The following PCCA variants were observed in gnomAD, a reference collection of about 807,000 sequenced individuals.
PCCA encodes propionyl-CoA carboxylase alpha chain, mitochondrial.
Under a neutral mutation model 101.3 loss-of-function variants are expected in PCCA, and 74 were observed. The observed-to-expected ratio is 0.73, with a 90% CI of 0.61 to 0.89. The LOEUF (loss-of-function observed/expected upper bound fraction) is 0.89. PCCA is among the 40% of genes least tolerant of loss of function. The probability of loss-of-function intolerance (pLI) is 0.00; values close to 1 mark genes in which losing one functional copy is unlikely to be tolerated. For missense variants in PCCA, 891 were observed against 907.0 expected (o/e 0.98, Z 0.23); for synonymous variants, 294 against 313.6 (o/e 0.94, Z 0.66).
chr13:100,322,474 A>T (rs1232105894), intron 16 of PCCA, among the ~76,000 whole-genome samples: 1 of 152,090 alleles, frequency 6.6e-6, no homozygotes. Flanking sequence ...AAAATTGTTT[A>T]TATATAATTA....
intron 17 of PCCA, among the ~76,000 whole-genome samples, chr13:100,334,991 T>A (rs1889682): frequency 0.47 from 71,354 of 151,984 alleles, 16,831 homozygotes; most frequent in Middle Eastern, 0.54. Flanking sequence ...AATACTTTTT[T>A]AAATCTTCTA....
chr13:100,297,997 G>A (rs1259709387), intron 12 of PCCA, among the ~76,000 whole-genome samples: 1 of 147,498 alleles, frequency 6.8e-6, no homozygotes, highest in Non-Finnish European at 1.5e-5. Flanking sequence ...TTTTGGGTTC[G>A]GGCTTACTCT....
At chr13:100,171,123 T>G (rs976084566) in intron 6 of PCCA, among the ~76,000 whole-genome samples, 15 of 152,350 alleles carry the variant, frequency 9.8e-5, no homozygotes, top group African/African-American at 3.6e-4. Context: ...CCAGCTGTCT[T>G]AAGCCACATG....
intron 4 of PCCA, among the ~76,000 whole-genome samples, chr13:100,125,876 A>G (rs2049903771): frequency 6.6e-6 from 1 of 152,226 alleles, no homozygotes; most frequent in South Asian, 2.1e-4. Flanking sequence ...TTAATACTAT[A>G]TTTAATTGGA....
chr13:100,464,450 C>G (rs1485856427), intron 21 of PCCA: 1 of 152,106 alleles, frequency 6.6e-6, no homozygotes, highest in African/African-American at 2.4e-5. Context: ...AAGAATAGCT[C>G]GGTTTTTATT....
chr13:100,097,041 A>G (rs551711413), intron 1 of PCCA, among the ~76,000 whole-genome samples: 1 of 152,338 alleles, frequency 6.6e-6, no homozygotes, highest in Admixed American at 6.5e-5. Flanking sequence ...TTTTTGAGCA[A>G]TAACTGTTTT....
At chr13:100,101,174 C>T (rs111856207) in intron 1 of PCCA, among the ~76,000 whole-genome samples, 1 of 152,196 alleles carries the variant, frequency 6.6e-6, no homozygotes, top group Admixed American at 6.5e-5. Flanking sequence ...CACATTATTA[C>T]AAGTTCACAT....
chr13:100,090,570 C>T (rs1475273288), intron 1 of PCCA, among the ~76,000 whole-genome samples: 1 of 152,082 alleles, frequency 6.6e-6, no homozygotes, highest in East Asian at 1.9e-4. Flanking sequence ...CTGTCTTCCA[C>T]TTCTGGGGAA....
At chr13:100,367,645 GTT>G (rs548639518) in intron 18 of PCCA, among the ~76,000 whole-genome samples, 2 of 125,796 alleles carry the variant, frequency 1.6e-5, no homozygotes, top group Non-Finnish European at 3.5e-5. Flanking sequence ...TTTTTTTTTT[GTT>G]TTTTTTTTTT....
At chr13:100,142,922 G>A (rs1206051581) in intron 4 of PCCA, among the ~76,000 whole-genome samples, 4 of 152,162 alleles carry the variant, frequency 2.6e-5, no homozygotes, top group East Asian at 1.9e-4. Flanking sequence ...TGACAGTGCC[G>A]CTGGAGATGG....
chr13:100,453,517 A>C (rs1415515446), intron 21 of PCCA, among the ~76,000 whole-genome samples: 1 of 152,038 alleles, frequency 6.6e-6, no homozygotes, highest in Non-Finnish European at 1.5e-5. Context: ...ATGGAGAAAA[A>C]GAAAGTGCAG....
In PCCA at chr13:100,268,841, T is replaced by A. The variant is rs536059838; in HGVS notation, c.914+58T>A. On this transcript the variant is annotated intron_variant, in intron 11 of 23. Coordinates refer to ENST00000376285, the MANE Select transcript of PCCA (RefSeq NM_000282.4). ...TGCTTTTATGCATTTCATTCATTCA[T>A]TCATTCATTCATCATTCACTGACGC... 6.9e-4 allele frequency: 742 copies of A among 1,076,418 alleles called. 3 individuals are homozygous for A. The African/African-American group carries it at 0.012, about 17-fold the overall frequency. 66.7% of individuals were successfully genotyped at this position (1,076,418 alleles called of 1,614,324 possible).
chr13:100,183,373 T>C (rs2056972156), intron 6 of PCCA, among the ~76,000 whole-genome samples: 2 of 152,178 alleles, frequency 1.3e-5, no homozygotes, highest in Admixed American at 1.3e-4. Context: ...CATACATCTT[T>C]TGATGTGGCA....
In PCCA at chr13:100,330,682, A is replaced by G. The variant is rs374671328; in HGVS notation, c.1540+11A>G. The G allele has an allele frequency of 4.9e-6, 7 of 1,417,322 alleles. No homozygotes were observed. Among genetic ancestry groups the G allele is most frequent in the African/African-American group, 4.2e-5 (3 of 71,298 alleles). 87.8% of individuals were successfully genotyped at this position (1,417,322 alleles called of 1,614,324 possible). ...CTGATGGCTTCAAAGGTTTGTATGC[A>G]TTAAAATATTTTAGTGTTTTAAAGT... On this transcript the variant is annotated intron_variant, in intron 17 of 23. Coordinates refer to ENST00000376285, the MANE Select transcript of PCCA (RefSeq NM_000282.4).
At chr13:100,258,556 AT>A (rs1192277794) in intron 9 of PCCA, among the ~76,000 whole-genome samples, 7 of 152,012 alleles carry the variant, frequency 4.6e-5, no homozygotes, top group Non-Finnish European at 1.0e-4. Flanking sequence ...CTTAGCGCTT[AT>A]TTTTCATTAT....
At chr13:100,245,614 C>T (rs2061387977) in intron 8 of PCCA, among the ~76,000 whole-genome samples, 1 of 152,142 alleles carries the variant, frequency 6.6e-6, no homozygotes, top group Non-Finnish European at 1.5e-5. Flanking sequence ...AGAGGCAGGA[C>T]ACAGAAAAGC....
At chr13:100,407,956 G>C (rs1177944700) in intron 19 of PCCA, among the ~76,000 whole-genome samples, 1 of 152,096 alleles carries the variant, frequency 6.6e-6, no homozygotes, top group African/African-American at 2.4e-5. Context: ...GTCAAGACCA[G>C]CCTGACCAAC....
At chr13:100,099,155 T>G (rs2047037712) in intron 1 of PCCA, among the ~76,000 whole-genome samples, 1 of 152,120 alleles carries the variant, frequency 6.6e-6, no homozygotes, top group African/African-American at 2.4e-5. Context: ...TTATTTAGTA[T>G]TATTCATCTG....
chr13:100,265,431 T>C (rs1595013887), intron 10 of PCCA, among the ~76,000 whole-genome samples: 1 of 152,358 alleles, frequency 6.6e-6, no homozygotes, highest in East Asian at 1.9e-4. Flanking sequence ...GCTTTTATAA[T>C]AAATCTAGAA....
Sources: allele counts gnomAD v4.1 joint callset (sites outside exome capture counted in the v4.1 genomes callset), GRCh38; gene constraint gnomAD v4.1.1; transcripts MANE v1.5; gene names NCBI Gene and HGNC (gene_info 2026-07-23, HGNC 2026-07-21).